The following ANKRD13C variants were observed in gnomAD, a reference collection of about 807,000 sequenced individuals.
The protein encoded by ANKRD13C is ankyrin repeat domain-containing protein 13C.
In ANKRD13C, 16 loss-of-function variants were observed where a neutral mutation model predicts 65.5. The observed-to-expected ratio is 0.24, with a 90% CI of 0.17 to 0.37. The LOEUF is 0.37. Ranked by LOEUF, ANKRD13C falls within the 10% of genes least tolerant of loss-of-function variation. The pLI is 1.00. For missense variants in ANKRD13C, 503 were observed against 655.9 expected (o/e 0.77, Z 2.55); for synonymous variants, 235 against 238.7 (o/e 0.98, Z 0.14).
At chr1:70,263,996 A>G (rs910567965) in intron 12 of ANKRD13C, among the ~76,000 whole-genome samples, 1 of 152,224 alleles carries the variant, frequency 6.6e-6, no homozygotes, top group Non-Finnish European at 1.5e-5. Flanking sequence ...CATAACAATT[A>G]TAGAGTTTCC....
intron 2 of ANKRD13C, among the ~76,000 whole-genome samples, chr1:70,325,866 G>A (rs1182486408): frequency 6.6e-6 from 1 of 150,970 alleles, no homozygotes; most frequent in Non-Finnish European, 1.5e-5. Context: ...ATGACACAGC[G>A]AGATTCCATC....
At chr1:70,294,710 CA>C (rs760337762) in intron 8 of ANKRD13C, among the ~76,000 whole-genome samples, 4 of 151,788 alleles carry the variant, frequency 2.6e-5, no homozygotes, top group Admixed American at 6.6e-5. Context: ...ACTGTGGCCT[CA>C]ACCTTCTGGG....
intron 1 of ANKRD13C, among the ~76,000 whole-genome samples, chr1:70,349,442 T>G (rs1682656886): frequency 6.6e-6 from 1 of 151,692 alleles, no homozygotes; most frequent in Non-Finnish European, 1.5e-5. Flanking sequence ...TACTTAAACA[T>G]ACCTCAAGAA....
chr1:70,274,093 T>G (rs1168918151), intron 11 of ANKRD13C, among the ~76,000 whole-genome samples: 1 of 152,224 alleles, frequency 6.6e-6, no homozygotes, highest in Non-Finnish European at 1.5e-5. Context: ...ATTGATGTGT[T>G]AAAATAACAC....
rs200626369 is a variant in ANKRD13C at position 70,354,021 on chromosome 1, A to G, written c.388T>C (p.Ser130Pro). The change falls in exon 1 of 13, where the codon TCT becomes CCT. Residue 130 changes from serine to proline, a missense_variant. By Grantham distance (74) the Ser-to-Pro change is moderately conservative (BLOSUM62 -1). Coordinates refer to ENST00000370944, the MANE Select transcript of ANKRD13C (RefSeq NM_030816.5). ...VFKGDVRRLS[S>P]LIRTHNIGQK... ...CCGATATTGTGCGTGCGGATGAGAG[A>G]GGAGAGTCTCCTCACATCCCCCTTG... 3.8e-6 allele frequency: 6 copies of G among 1,559,782 alleles called. No homozygotes were observed. The East Asian group carries it at 1.4e-4, about 35-fold the overall frequency.
Position 70,270,713 on chromosome 1 carries a change from T to C in ANKRD13C, c.1495+143A>G. The C allele has an allele frequency of 8.4e-6, 5 of 597,080 alleles. No homozygotes were observed. The Middle Eastern group carries it at 1.9e-3, about 222-fold the overall frequency. The allele number at this position is 597,080 out of a possible 1,614,324, so 37.0% of individuals were successfully genotyped here. A position where few individuals can be genotyped will look rare whatever the true frequency, so the allele number is the denominator to read the frequency against. On this transcript the variant is annotated intron_variant, in intron 12 of 12. Coordinates refer to ENST00000370944, the MANE Select transcript of ANKRD13C (RefSeq NM_030816.5). Reference sequence around the variant, plus strand: ...CTAGCCTGCCGCTCAGCTCATCTCCTGCTGTGCACCCCACTCCTAAAAGGT... The same window carrying C: ...CTAGCCTGCCGCTCAGCTCATCTCCCGCTGTGCACCCCACTCCTAAAAGGT...
rs187626399 is a variant in ANKRD13C at position 70,335,500 on chromosome 1, C to G, written c.472+558G>C. On this transcript the variant is annotated intron_variant, in intron 2 of 12. Coordinates refer to ENST00000370944, the MANE Select transcript of ANKRD13C (RefSeq NM_030816.5). ...GCTATTCAGCTATCTAAAATCCTCA[C>G]TTTCCAGAATAACCGGGGATCTAAA... 7.3e-4 allele frequency among the ~76,000 whole-genome samples: 111 copies of G among 151,854 alleles called. 3 individuals carry two copies. Among genetic ancestry groups the G allele is most frequent in the Admixed American group, 2.6e-3 (40 of 15,248 alleles).
intron 5 of ANKRD13C, among the ~76,000 whole-genome samples, chr1:70,307,100 T>C (rs1398966971): frequency 1.3e-5 from 2 of 152,202 alleles, no homozygotes; most frequent in Non-Finnish European, 1.5e-5. Flanking sequence ...ATACGGCAGA[T>C]ATATCTTACA....
intron 1 of ANKRD13C, among the ~76,000 whole-genome samples, chr1:70,341,363 G>GTTTT (rs35739788): frequency 3.7e-5 from 4 of 109,156 alleles, no homozygotes; most frequent in African/African-American, 7.3e-5. Flanking sequence ...CTTTTTGTGT[G>GTTTT]TTTTTTTTTT....
chr1:70,324,889 G>C lies in ANKRD13C; in HGVS notation c.541C>G (p.Leu181Val). The C allele has an allele frequency of 6.2e-7, 1 of 1,611,604 alleles. No individual in the cohort carries two copies. The highest frequency in any genetic ancestry group is 8.5e-7 in the Non-Finnish European group (1 of 1,178,574). The change falls in exon 3 of 13, where the codon CTG (leucine) becomes GTG (valine). Residue 181 changes from leucine to valine, a missense_variant. Physicochemically the swap from Leu to Val is conservative, Grantham distance 32. Around this residue, in one of 2 missense-constraint regions of ANKRD13C, gnomAD observed 300 missense variants for 478.3 expected, o/e 0.63. Coordinates refer to ENST00000370944, the MANE Select transcript of ANKRD13C (RefSeq NM_030816.5). ...TCTCCATAGCTGATGGCTTCCGCCAGAGGGCTCCATCCCTGAGCATTTTTC... is the reference window on the plus strand; with the variant it reads ...TCTCCATAGCTGATGGCTTCCGCCACAGGGCTCCATCCCTGAGCATTTTTC... ...KVKNAQGWSPLAEAISYGDRQ... is the reference protein window; with the variant it reads ...KVKNAQGWSPVAEAISYGDRQ...
At position 70,292,402 on chromosome 1, in the gene ANKRD13C, C is replaced by G; in HGVS notation, c.1201G>C (p.Glu401Gln). The G allele has an allele frequency of 6.3e-7, 1 of 1,579,520 alleles. No individual in the cohort carries two copies. Among genetic ancestry groups the G allele is most frequent in the Non-Finnish European group, 8.5e-7 (1 of 1,170,122 alleles). ...ESLSKGGNIM[E>Q]QNFEPIRRQS... ...AAAAATTATACCTCAAAATTCTGTT[C>G]CATTATGTTTCCACCTTTACTCAAA... is the stretch of plus-strand genomic sequence containing the variant. Residue 401 changes from glutamate to glutamine, a missense_variant, in exon 9 of 13, where the codon GAA becomes CAA. Physicochemically the swap from Glu to Gln is conservative, Grantham distance 29. Coordinates refer to ENST00000370944, the MANE Select transcript of ANKRD13C (RefSeq NM_030816.5).
At chr1:70,349,246 G>C (rs982810274) in intron 1 of ANKRD13C, among the ~76,000 whole-genome samples, 3 of 152,090 alleles carry the variant, frequency 2.0e-5, no homozygotes, top group Non-Finnish European at 2.9e-5. Context: ...ATGGAAAAAG[G>C]CTTAGATTCA....
chr1:70,320,142 T>C (rs572971847), intron 3 of ANKRD13C, among the ~76,000 whole-genome samples: 4 of 152,080 alleles, frequency 2.6e-5, no homozygotes, highest in South Asian at 2.1e-4. Context: ...AGCTGACACA[T>C]AGAAAGCCAG....
rs1410466699 is a variant in ANKRD13C, at chr1:70,329,481, A to C, written c.473-4524T>G. 2.6e-5 allele frequency among the ~76,000 whole-genome samples: 4 copies of C among 152,132 alleles called. No homozygotes were observed. The East Asian group carries it at 7.7e-4, about 29-fold the overall frequency. ...GGTTGTGATGAGCCAAGATTGCATC[A>C]CTGCACTCCAGCCTGGGCAACAAAG... On this transcript the variant is annotated intron_variant, in intron 2 of 12. Coordinates refer to ENST00000370944, the MANE Select transcript of ANKRD13C (RefSeq NM_030816.5).
At chr1:70,266,131 T>C (rs1042492137) in intron 12 of ANKRD13C, among the ~76,000 whole-genome samples, 7 of 152,200 alleles carry the variant, frequency 4.6e-5, no homozygotes, top group African/African-American at 7.2e-5. Context: ...ATAGCCACAA[T>C]TGCTTCTCTT....
intron 2 of ANKRD13C, among the ~76,000 whole-genome samples, chr1:70,334,364 C>T (rs1007917120): frequency 1.3e-5 from 2 of 152,108 alleles, no homozygotes; most frequent in Non-Finnish European, 2.9e-5. Context: ...TCATACACTT[C>T]ATTTAAAGAT....
chr1:70,271,158 T>C (rs1285656872), intron 11 of ANKRD13C, among the ~76,000 whole-genome samples: 1 of 152,192 alleles, frequency 6.6e-6, no homozygotes, highest in Non-Finnish European at 1.5e-5. Context: ...ATTTTCACAA[T>C]TGTTTGATTT....
intron 6 of ANKRD13C, chr1:70,305,879 A>G (rs1680565700): frequency 6.5e-6 from 1 of 154,282 alleles, no homozygotes; most frequent in African/African-American, 2.4e-5. Context: ...TTCCTTAATA[A>G]ATCCAGGATC....
chr1:70,346,993 G>C (rs1228583105), intron 1 of ANKRD13C, among the ~76,000 whole-genome samples: 3 of 150,418 alleles, frequency 2.0e-5, no homozygotes, highest in Non-Finnish European at 4.4e-5. Flanking sequence ...TCGGGAGGCT[G>C]AGGCAGGAGA....
Sources: allele counts gnomAD v4.1 joint callset (sites outside exome capture counted in the v4.1 genomes callset), GRCh38; gene constraint gnomAD v4.1.1; regional missense constraint gnomAD v4.1.1; transcripts MANE v1.5; gene names NCBI Gene and HGNC (gene_info 2026-07-23, HGNC 2026-07-21).